Variants in C14orf132 observed in about 807,000 individuals in gnomAD.
C14orf132 encodes uncharacterized protein C14orf132.
Under a neutral mutation model 5.8 loss-of-function variants are expected in C14orf132, and 6 were observed. The observed-to-expected ratio is 1.03, with a 90% CI of 0.57 to 2.04. The LOEUF (loss-of-function observed/expected upper bound fraction) is 2.04. Among genes scored for constraint, C14orf132 ranks in the 30% most tolerant of loss-of-function variants. C14orf132 has a pLI of 0.00. For synonymous variants in C14orf132, 51 were observed against 49.8 expected, an observed-to-expected ratio of 1.02 and a Z score of -0.10; for missense variants, 125 against 115.8, an observed-to-expected ratio of 1.08 and a Z score of -0.37.
At chr14:96,040,416 T>C (rs930476655) in intron 1 of C14orf132, 17 of 395,268 alleles carry the variant, frequency 4.3e-5, no homozygotes, top group African/African-American at 3.5e-4. Context: ...TCTGGTTGTG[T>C]TGGTTGGTTA....
Position 96,091,118 on chromosome 14 carries a change from C to T in C14orf132, c.*4383C>T. ...AACTGAGGCCAGGGCTGAACGCTCA[C>T]AGCTAAGGAGCTGTGATTCAGACCC... is the stretch of plus-strand genomic sequence containing the variant. On this transcript the variant is annotated 3_prime_UTR_variant, in exon 2 of 2. Transcript: ENST00000555004. 2.4e-6 allele frequency: 1 copy of T among 420,604 alleles called. No homozygotes were observed. Among genetic ancestry groups the T allele is most frequent in the Non-Finnish European group, 4.8e-6 (1 of 209,616 alleles). The allele number at this position is 420,604 out of a possible 1,614,324, so 26.1% of individuals were successfully genotyped here. A position where few individuals can be genotyped will look rare whatever the true frequency, so the allele number is the denominator to read the frequency against.
rs189191069 is a variant in C14orf132, at chr14:96,091,113, G to T, written c.*4378G>T. ...GAGAAAACTGAGGCCAGGGCTGAAC[G>T]CTCACAGCTAAGGAGCTGTGATTCA... On this transcript the variant is annotated 3_prime_UTR_variant, in exon 2 of 2. Transcript: ENST00000555004. 1.2e-4 allele frequency: 52 copies of T among 426,760 alleles called. No homozygotes were observed. The highest frequency in any genetic ancestry group is 1.0e-3 in the African/African-American group (51 of 49,722). The allele number at this position is 426,760 out of a possible 1,614,324, so 26.4% of individuals were successfully genotyped here. A position where few individuals can be genotyped will look rare whatever the true frequency, so the allele number is the denominator to read the frequency against.
rs1211715825 is a variant in C14orf132, at chr14:96,090,912, A to T, written c.*4177A>T. On this transcript the variant is annotated 3_prime_UTR_variant, in exon 2 of 2. Transcript: ENST00000555004. ...AATGGCACTTTCCTTCTTCAGAAGCATCATCTGCCTTCATTATTAGCAGTA... is the reference window on the plus strand; with the variant it reads ...AATGGCACTTTCCTTCTTCAGAAGCTTCATCTGCCTTCATTATTAGCAGTA... 1 of 456,016 alleles carries T rather than the reference A, an allele frequency of 2.2e-6. No individual in the cohort carries two copies. The highest frequency in any genetic ancestry group is 2.0e-5 in the African/African-American group (1 of 50,092). The allele number at this position is 456,016 out of a possible 1,614,324, so 28.2% of individuals were successfully genotyped here. A position where few individuals can be genotyped will look rare whatever the true frequency, so the allele number is the denominator to read the frequency against.
intron 1 of C14orf132, among the ~76,000 whole-genome samples, chr14:96,063,164 C>A (rs1386241208): frequency 6.6e-6 from 1 of 152,120 alleles, no homozygotes. Flanking sequence ...TGACTTGCAG[C>A]TGGGGCGGGT....
chr14:96,083,073 G>T (rs552126071), intron 1 of C14orf132, among the ~76,000 whole-genome samples: 1 of 152,184 alleles, frequency 6.6e-6, no homozygotes, highest in East Asian at 1.9e-4. Flanking sequence ...CCCACTACAG[G>T]TGCAGGGCAA....
intron 1 of C14orf132, among the ~76,000 whole-genome samples, chr14:96,052,006 G>A (rs930133682): frequency 6.6e-6 from 1 of 152,252 alleles, no homozygotes; most frequent in South Asian, 2.1e-4. Flanking sequence ...TCTGTGCTGC[G>A]TGGGCAGCCT....
chr14:96,057,307 A>C (rs1219327563), intron 1 of C14orf132, among the ~76,000 whole-genome samples: 3 of 152,244 alleles, frequency 2.0e-5, no homozygotes, highest in Admixed American at 1.3e-4. Context: ...AGGGTGCAGC[A>C]GCAAGGCACA....
intron 1 of C14orf132, among the ~76,000 whole-genome samples, chr14:96,053,239 A>T (rs1362744502): frequency 4.6e-5 from 7 of 152,228 alleles, no homozygotes; most frequent in Non-Finnish European, 7.3e-5. Context: ...GGCCCATTTA[A>T]TTCTCAAGTG....
intron 1 of C14orf132, among the ~76,000 whole-genome samples, chr14:96,077,144 C>T (rs10131278): frequency 0.27 from 41,804 of 152,132 alleles, 6,006 homozygotes; most frequent in Non-Finnish European, 0.32. Context: ...GTTCAGTACA[C>T]GTCAGTTAGA....
chr14:96,047,891 A>G (rs2139644556), intron 1 of C14orf132, among the ~76,000 whole-genome samples: 1 of 152,320 alleles, frequency 6.6e-6, no homozygotes, highest in East Asian at 1.9e-4. Flanking sequence ...TCGACACATC[A>G]GAATCCTCCA....
chr14:96,063,469 G>A (rs1446674696), intron 1 of C14orf132, among the ~76,000 whole-genome samples: 4 of 151,874 alleles, frequency 2.6e-5, no homozygotes, highest in Non-Finnish European at 4.4e-5. Context: ...CCACCACGTC[G>A]GGCTAATTTT....
At chr14:96,066,965 A>G (rs2139665105) in intron 1 of C14orf132, among the ~76,000 whole-genome samples, 1 of 152,294 alleles carries the variant, frequency 6.6e-6, no homozygotes, top group Non-Finnish European at 1.5e-5. Flanking sequence ...CTGATCAATT[A>G]CGTATGGGCT....
Position 96,090,661 on chromosome 14 carries a change from T to A in C14orf132, c.*3926T>A. The A allele has an allele frequency of 2.2e-6, 1 of 455,992 alleles. No individual in the cohort carries two copies. The highest frequency in any genetic ancestry group is 4.4e-6 in the Non-Finnish European group (1 of 226,778). The allele number at this position is 455,992 out of a possible 1,614,324, so 28.2% of individuals were successfully genotyped here. ...CACTCTACCCCCCAGAGAGAAATGA[T>A]TCTCGCTCCTTTCAGATCCCCCAGG... On this transcript the variant is annotated 3_prime_UTR_variant, in exon 2 of 2. Coordinates refer to ENST00000555004, the MANE Select transcript of C14orf132 (RefSeq NM_001252507.3).
At chr14:96,067,201 C>T (rs1485324308) in intron 1 of C14orf132, among the ~76,000 whole-genome samples, 1 of 152,174 alleles carries the variant, frequency 6.6e-6, no homozygotes, top group Non-Finnish European at 1.5e-5. Flanking sequence ...AGCGTGCCAG[C>T]ACTTCTGTCA....
chr14:96,059,033 G>T (rs1378545426), intron 1 of C14orf132, among the ~76,000 whole-genome samples: 2 of 152,202 alleles, frequency 1.3e-5, no homozygotes, highest in African/African-American at 4.8e-5. Flanking sequence ...AGGCTGAGGC[G>T]GGCAGATTGC....
At position 96,039,434 on chromosome 14, in the gene C14orf132, G is replaced by A; in HGVS notation, c.-67G>A. 1.4e-6 allele frequency: 2 copies of A among 1,448,316 alleles called. No individual in the cohort carries two copies. Among genetic ancestry groups the A allele is most frequent in the Non-Finnish European group, 1.8e-6 (2 of 1,095,726 alleles). 89.7% of individuals were successfully genotyped at this position (1,448,316 alleles called of 1,614,324 possible). On this transcript the variant is annotated 5_prime_UTR_variant, in exon 1 of 2. It adds an upstream start codon to the 5' untranslated region. Transcript: ENST00000555004. The surrounding 1 kb of genome is among the most constrained non-coding windows in gnomAD (Gnocchi z 5.3). ...CTGCTCAGCCCGATCCCCGCCAACT[G>A]TGCAGGCGGCTGACCCGCAGCGGCA...
intron 1 of C14orf132, among the ~76,000 whole-genome samples, chr14:96,044,944 T>C (rs1345218144): frequency 6.6e-6 from 1 of 152,228 alleles, no homozygotes; most frequent in Non-Finnish European, 1.5e-5. Context: ...TCATTCTACC[T>C]ATCGAGGGGA....
intron 1 of C14orf132, among the ~76,000 whole-genome samples, chr14:96,050,530 A>T (rs1343138452): frequency 6.6e-6 from 1 of 150,710 alleles, no homozygotes; most frequent in Non-Finnish European, 1.5e-5. Flanking sequence ...ACATGCATTC[A>T]TCTGTCCTTT....
intron 1 of C14orf132, among the ~76,000 whole-genome samples, chr14:96,040,601 T>A (rs367863388): frequency 3.5e-4 from 53 of 152,174 alleles, no homozygotes; most frequent in African/African-American, 1.2e-3. Context: ...GACAGCAAAA[T>A]CCAGACTGTG....
Sources: gnomAD v4.1 joint callset for allele counts (sites outside exome capture counted in the v4.1 genomes callset) on GRCh38, gnomAD v4.1.1 for gene constraint, Gnocchi (gnomAD v3.1) non-coding constraint, MANE v1.5 for transcripts, NCBI Gene and HGNC (gene_info 2026-07-23, HGNC 2026-07-21) for gene names.